The following KLHL32 variants were observed in gnomAD, a reference collection of about 807,000 sequenced individuals.
KLHL32 encodes the protein kelch-like protein 32.
KLHL32 carries 35 observed loss-of-function variants against 64.8 expected under a neutral mutation model. That is an observed-to-expected ratio of 0.54 (90% confidence interval 0.41 to 0.72). The LOEUF (loss-of-function observed/expected upper bound fraction) is 0.72, where lower values mean the gene tolerates loss of function less well. KLHL32 is among the 30% of genes least tolerant of loss of function. The pLI, the probability that KLHL32 is intolerant of heterozygous loss-of-function variation, is 0.00. For synonymous variants in KLHL32, 259 were observed against 281.0 expected (o/e 0.92, Z 0.78); for missense variants, 589 against 768.5 (o/e 0.77, Z 2.76).
intron 1 of KLHL32, among the ~76,000 whole-genome samples, chr6:96,934,536 A>G (rs1178651515): frequency 6.6e-6 from 1 of 152,212 alleles, no homozygotes; most frequent in Non-Finnish European, 1.5e-5. Context: ...AACACAAACA[A>G]TTCTCTACCA....
At chr6:97,119,350 G>A (rs1798127274) in intron 7 of KLHL32, among the ~76,000 whole-genome samples, 1 of 152,050 alleles carries the variant, frequency 6.6e-6, no homozygotes, top group South Asian at 2.1e-4. Flanking sequence ...TCTTTCCTTT[G>A]GTTTCTCAGA....
chr6:96,978,870 T>G (rs1427862874), intron 3 of KLHL32, among the ~76,000 whole-genome samples: 1 of 152,252 alleles, frequency 6.6e-6, no homozygotes, highest in African/African-American at 2.4e-5. Context: ...CATTGTGGTT[T>G]TGAGTTGCAT....
chr6:97,012,364 G>A (rs1002821305), intron 3 of KLHL32, among the ~76,000 whole-genome samples: 2 of 152,148 alleles, frequency 1.3e-5, no homozygotes, highest in African/African-American at 4.8e-5. Flanking sequence ...AGCAGAGGTT[G>A]GAGTGATGTG....
At chr6:97,035,899 T>C (rs540473460) in intron 3 of KLHL32, among the ~76,000 whole-genome samples, 3 of 152,276 alleles carry the variant, frequency 2.0e-5, no homozygotes, top group Non-Finnish European at 4.4e-5. Context: ...TTTTTGGTAA[T>C]TATTCCTTTT....
At chr6:96,910,103 C>T in the KLHL32 span, among the ~76,000 whole-genome samples, 28 of 152,214 alleles carry the variant, frequency 1.8e-4, no homozygotes, top group African/African-American at 3.9e-4. Flanking sequence ...TGGGAGTGGG[C>T]GCTGTAGCTG....
intron 6 of KLHL32, among the ~76,000 whole-genome samples, chr6:97,113,217 A>T (rs917750272): frequency 1.3e-5 from 2 of 152,180 alleles, no homozygotes; most frequent in African/African-American, 2.4e-5. Flanking sequence ...TGTTATACCT[A>T]CTAAAGGGAT....
At chr6:96,978,532 T>TACATA (rs1222205777) in intron 3 of KLHL32, among the ~76,000 whole-genome samples, 2 of 152,218 alleles carry the variant, frequency 1.3e-5, no homozygotes, top group African/African-American at 4.8e-5. Context: ...ATTTTCTTTA[T>TACATA]CCTGTCTACC....
At chr6:96,970,380 T>C (rs1486159981) in intron 2 of KLHL32, among the ~76,000 whole-genome samples, 1 of 152,194 alleles carries the variant, frequency 6.6e-6, no homozygotes, top group Non-Finnish European at 1.5e-5. Context: ...CTGTAGACAC[T>C]CTATAAGGGC....
intron 4 of KLHL32, among the ~76,000 whole-genome samples, chr6:97,047,280 C>T (rs1786079665): frequency 6.6e-6 from 1 of 152,190 alleles, no homozygotes; most frequent in Admixed American, 6.5e-5. Context: ...GAAATATGCC[C>T]TTCTTCTGGG....
chr6:97,024,051 A>C (rs1168030676), intron 3 of KLHL32, among the ~76,000 whole-genome samples: 1 of 152,218 alleles, frequency 6.6e-6, no homozygotes, highest in Non-Finnish European at 1.5e-5. Flanking sequence ...TGTGAGTAGA[A>C]GTTGGCATTG....
chr6:97,041,415 C>A, intron 3 of KLHL32, 77 bp from the exon 4 acceptor site: 3 of 887,820 alleles, frequency 3.4e-6, no homozygotes, highest in East Asian at 2.5e-5. Flanking sequence ...TTTTTTTCCC[C>A]TAGTCTCTCT....
chr6:97,109,706 G>T (rs1368721826), intron 6 of KLHL32, among the ~76,000 whole-genome samples: 1 of 152,138 alleles, frequency 6.6e-6, no homozygotes, highest in Admixed American at 6.6e-5. Flanking sequence ...TATGAGGAGA[G>T]AGAAAAATAA....
the KLHL32 span, among the ~76,000 whole-genome samples, chr6:96,908,141 TACC>T: frequency 6.6e-6 from 1 of 152,220 alleles, no homozygotes; most frequent in Non-Finnish European, 1.5e-5. Context: ...GCAGCAAAGC[TACC>T]AATGGTAGAG....
At chr6:97,047,876 G>A (rs1341514836) in intron 4 of KLHL32, among the ~76,000 whole-genome samples, 1 of 152,158 alleles carries the variant, frequency 6.6e-6, no homozygotes, top group Non-Finnish European at 1.5e-5. Flanking sequence ...AGAACTTCCA[G>A]CACCAAAGGC....
chr6:96,946,378 AT>A (rs1029312024), intron 1 of KLHL32, among the ~76,000 whole-genome samples: 1 of 151,956 alleles, frequency 6.6e-6, no homozygotes, highest in Non-Finnish European at 1.5e-5. Flanking sequence ...CTTATTTGCC[AT>A]GTTTATTGTT....
intron 3 of KLHL32, among the ~76,000 whole-genome samples, chr6:97,039,564 GT>G (rs1280955495): frequency 1.9e-5 from 2 of 106,140 alleles, no homozygotes; most frequent in African/African-American, 4.7e-5. Flanking sequence ...GTTCACGCCT[GT>G]AATCCCAGCA....
intron 3 of KLHL32, among the ~76,000 whole-genome samples, chr6:96,984,716 A>G (rs1307404395): frequency 1.3e-5 from 2 of 151,442 alleles, no homozygotes; most frequent in Admixed American, 6.6e-5. Context: ...TTTGTTTTCT[A>G]TTTGCTTGGT....
intron 3 of KLHL32, among the ~76,000 whole-genome samples, chr6:96,999,080 T>C (rs1357215976): frequency 6.6e-6 from 1 of 152,188 alleles, no homozygotes; most frequent in Non-Finnish European, 1.5e-5. Context: ...GGGGAAGTGA[T>C]ACAAATGTAT....
intron 1 of KLHL32, among the ~76,000 whole-genome samples, chr6:96,927,578 T>C (rs1234193598): frequency 6.6e-6 from 1 of 152,248 alleles, no homozygotes; most frequent in Non-Finnish European, 1.5e-5. Context: ...AGGAGTGTCA[T>C]TTTATTTACA....
Sources: gnomAD v4.1 joint callset for allele counts (sites outside exome capture counted in the v4.1 genomes callset) on GRCh38, gnomAD v4.1.1 for gene constraint, MANE v1.5 for transcripts, NCBI Gene and HGNC (gene_info 2026-07-23, HGNC 2026-07-21) for gene names.